FYCO1: variants seen among roughly 807,000 people sequenced by gnomAD.
FYCO1 encodes FYVE and coiled-coil domain-containing protein 1.
In FYCO1, 122 loss-of-function variants were observed where a neutral mutation model predicts 165.1. The observed-to-expected ratio is 0.74, with a 90% CI of 0.64 to 0.86. FYCO1 has a LOEUF of 0.86. FYCO1 is among the 40% of genes least tolerant of loss of function. The pLI is 0.00. For missense variants in FYCO1, 1,702 were observed against 1,810.3 expected (o/e 0.94, Z 1.09); for synonymous variants, 648 against 742.5 (o/e 0.87, Z 2.07).
intron 16 of FYCO1, among the ~76,000 whole-genome samples, chr3:45,930,342 T>C (rs1022499569): frequency 1.3e-5 from 2 of 152,298 alleles, no homozygotes; most frequent in Admixed American, 6.5e-5. Flanking sequence ...CCTTGCCCCA[T>C]ACTGAATCAG....
chr3:45,959,605 T>C (rs1705575537), intron 11 of FYCO1, 63 bp from the exon 12 acceptor site: 2 of 1,538,714 alleles, frequency 1.3e-6, no homozygotes, highest in South Asian at 1.1e-5. Flanking sequence ...GGATGATCCT[T>C]CTTCATTTCA....
chr3:45,984,685 A>G (rs967178142), intron 2 of FYCO1, 171 bp downstream of exon 2: 2 of 739,538 alleles, frequency 2.7e-6, no homozygotes, highest in Non-Finnish European at 4.8e-6. Context: ...TCCAAGCCTT[A>G]CACAAGGTGG....
chr3:45,988,660 G>A (rs1481598257), intron 1 of FYCO1, among the ~76,000 whole-genome samples: 7 of 152,130 alleles, frequency 4.6e-5, no homozygotes, highest in Admixed American at 6.5e-5. Flanking sequence ...AGAGAAATGC[G>A]TTTTATAAAA....
chr3:45,946,334 T>C (rs1704601038), intron 14 of FYCO1: 1 of 667,594 alleles, frequency 1.5e-6, no homozygotes, highest in African/African-American at 1.8e-5. Context: ...CTGTGCTGTT[T>C]CTACACATCC....
chr3:45,936,371 C>T (rs1378053885), intron 15 of FYCO1, 77 bp downstream of exon 15: 1 of 948,370 alleles, frequency 1.1e-6, no homozygotes, highest in Non-Finnish European at 1.7e-6. Flanking sequence ...AGGTGGTCCC[C>T]AGCGCCGGCA....
At chr3:45,989,561 C>T (rs1707473453) in intron 1 of FYCO1, among the ~76,000 whole-genome samples, 1 of 152,238 alleles carries the variant, frequency 6.6e-6, no homozygotes, top group Non-Finnish European at 1.5e-5. Flanking sequence ...CATTAGGTGA[C>T]CCAACCCCTT....
chr3:45,939,664 A>C (rs556291402), intron 14 of FYCO1, among the ~76,000 whole-genome samples: 1 of 152,282 alleles, frequency 6.6e-6, no homozygotes, highest in South Asian at 2.1e-4. Flanking sequence ...ATCTCCCCTC[A>C]GCCTCGCTAA....
chr3:45,930,712 C>G (rs1299891883), intron 16 of FYCO1, among the ~76,000 whole-genome samples: 4 of 152,234 alleles, frequency 2.6e-5, no homozygotes, highest in Non-Finnish European at 5.9e-5. Context: ...AGGTCACCAC[C>G]TCCCAAGGTG....
chr3:45,954,382 C>T lies in FYCO1; in HGVS notation c.3944+867G>A, dbSNP rs533370320. Among the ~76,000 whole-genome samples, 3 of 152,286 alleles carry T rather than the reference C, an allele frequency of 2.0e-5. No homozygotes were observed. The East Asian group carries it at 5.8e-4, about 29-fold the overall frequency. On this transcript the variant is annotated intron_variant, in intron 14 of 17. Coordinates refer to ENST00000296137, the MANE Select transcript of FYCO1 (RefSeq NM_024513.4). ...TGACAGTATTAGCCTGCAGTGTTCT[C>T]CCAACCCCTATAGTCCAGTGGTCCC...
chr3:45,953,440 A>G (rs1226305483), intron 14 of FYCO1, among the ~76,000 whole-genome samples: 1 of 152,230 alleles, frequency 6.6e-6, no homozygotes, highest in Non-Finnish European at 1.5e-5. Flanking sequence ...ACATCAAGCA[A>G]GGACCTCCTT....
At chr3:45,946,659 CAT>C in intron 14 of FYCO1, 1 of 1,614,190 alleles carries the variant, frequency 6.2e-7, no homozygotes, top group South Asian at 1.1e-5. Flanking sequence ...CATCTTCTAC[CAT>C]AAGTTGCAGA....
intron 16 of FYCO1, among the ~76,000 whole-genome samples, chr3:45,929,913 G>C (rs1703508087): frequency 6.6e-6 from 1 of 152,136 alleles, no homozygotes; most frequent in Non-Finnish European, 1.5e-5. Flanking sequence ...GCCACAGCAG[G>C]AACTGCTGTG....
intron 14 of FYCO1, chr3:45,946,924 G>A (rs775601713): frequency 3.1e-6 from 5 of 1,614,234 alleles, no homozygotes; most frequent in Non-Finnish European, 3.4e-6. Flanking sequence ...ATGACCTGGG[G>A]CAAGGTCACC....
intron 1 of FYCO1, among the ~76,000 whole-genome samples, chr3:45,987,903 G>A (rs1211065974): frequency 6.6e-6 from 1 of 152,208 alleles, no homozygotes; most frequent in Admixed American, 6.5e-5. Context: ...TCATAAGCCT[G>A]AACACAGATG....
chr3:45,987,015 C>T (rs1010133671), intron 1 of FYCO1, among the ~76,000 whole-genome samples: 4 of 152,086 alleles, frequency 2.6e-5, no homozygotes, highest in East Asian at 3.9e-4. Context: ...AAGAGGCTCA[C>T]GTAGAGATAT....
chr3:45,947,435 GA>G (rs775341805), intron 14 of FYCO1: 1 of 1,614,202 alleles, frequency 6.2e-7, no homozygotes, highest in Non-Finnish European at 8.5e-7. Context: ...CACATCAATG[GA>G]AATCTTCTGA....
At chr3:45,928,034 C>T (rs1703404738) in intron 16 of FYCO1, among the ~76,000 whole-genome samples, 1 of 152,226 alleles carries the variant, frequency 6.6e-6, no homozygotes, top group Admixed American at 6.5e-5. Context: ...ATTCCATTCA[C>T]ATGAAACATC....
At chr3:45,958,361 A>G (rs893783325) in intron 13 of FYCO1, 47 bp downstream of exon 13, 2 of 1,533,218 alleles carry the variant, frequency 1.3e-6, no homozygotes, top group Non-Finnish European at 1.8e-6. Flanking sequence ...GTAGGGGAGG[A>G]AGTGGCACCT....
chr3:45,983,562 C>T (rs1253949392), intron 2 of FYCO1, among the ~76,000 whole-genome samples: 1 of 152,166 alleles, frequency 6.6e-6, no homozygotes, highest in Non-Finnish European at 1.5e-5. Context: ...ACCTGAGGGT[C>T]CCCTATTTCA....
Sources: allele counts gnomAD v4.1 joint callset (sites outside exome capture counted in the v4.1 genomes callset), GRCh38; gene constraint gnomAD v4.1.1; transcripts MANE v1.5; gene names NCBI Gene and HGNC (gene_info 2026-07-23, HGNC 2026-07-21).